Variants in CDH23 observed in about 807,000 individuals in gnomAD.
CDH23 encodes the protein cadherin-23.
Under a neutral mutation model 317.1 loss-of-function variants are expected in CDH23, and 189 were observed. That is an observed-to-expected ratio of 0.60 (90% CI 0.53 to 0.67). CDH23 has a LOEUF of 0.67. Among genes scored for constraint, CDH23 ranks in the 30% least tolerant of loss-of-function variants. The pLI is 0.00. For synonymous variants in CDH23, 1,839 were observed against 1,876.8 expected (o/e 0.98, Z 0.52); for missense variants, 4,401 against 4,592.4 (o/e 0.96, Z 1.20).
intron 3 of CDH23, among the ~76,000 whole-genome samples, chr10:71,488,124 T>A (rs115478258): frequency 6.6e-6 from 1 of 152,206 alleles, no homozygotes; most frequent in African/African-American, 2.4e-5. Flanking sequence ...TAGTCAGGCC[T>A]GCAGGAGAGT....
At chr10:71,580,583 G>A (rs1858553514) in intron 9 of CDH23, among the ~76,000 whole-genome samples, 1 of 152,254 alleles carries the variant, frequency 6.6e-6, no homozygotes, top group Non-Finnish European at 1.5e-5. Context: ...CATGAGTGCA[G>A]TATTCAATTG....
intron 9 of CDH23, among the ~76,000 whole-genome samples, chr10:71,613,031 T>C (rs984929225): frequency 1.3e-5 from 2 of 152,192 alleles, no homozygotes; most frequent in African/African-American, 4.8e-5. Context: ...GTATTTTTAG[T>C]AGAGATGGGG....
Position 71,669,689 on chromosome 10 carries a change from C to T in CDH23, c.1450-5423C>T, listed in dbSNP as rs139731653. The stretch of plus-strand genomic sequence containing the variant: ...CCTTGATCTCTTGATCTCAGGTGAT[C>T]TGCCTGCCTTGGCCTCCCAAAGTGC... On this transcript the variant is annotated intron_variant, in intron 14 of 69. Coordinates refer to ENST00000224721, the MANE Select transcript of CDH23 (RefSeq NM_022124.6). Among the ~76,000 whole-genome samples the T allele has an allele frequency of 9.9e-3, 1,514 of 152,336 alleles. 9 individuals carry two copies. The highest frequency in any genetic ancestry group is 0.031 in the Middle Eastern group (9 of 294).
At chr10:71,704,873 C>A (rs1432874760) in intron 24 of CDH23, 38 bp from the exon 25 acceptor site, 4 of 1,503,086 alleles carry the variant, frequency 2.7e-6, no homozygotes, top group Non-Finnish European at 3.7e-6. Flanking sequence ...ATCCCAGTGT[C>A]CCCTCCCCAC....
At chr10:71,459,527 T>C (rs1279987166) in intron 3 of CDH23, among the ~76,000 whole-genome samples, 1 of 152,208 alleles carries the variant, frequency 6.6e-6, no homozygotes, top group Non-Finnish European at 1.5e-5. Flanking sequence ...ATATTCTATG[T>C]GGCCAAAGCC....
chr10:71,413,814 A>T (rs1848430570), intron 1 of CDH23, among the ~76,000 whole-genome samples: 1 of 152,152 alleles, frequency 6.6e-6, no homozygotes, highest in East Asian at 1.9e-4. Flanking sequence ...GACTACAGGC[A>T]TGTGACACCA....
At position 71,732,362 on chromosome 10, in the gene CDH23, T is replaced by C; in HGVS notation, c.4091T>C (p.Ile1364Thr). ...TSTQAKALFK[I>T]DAITGVITVQ... is the part of the protein sequence containing the mutation. Reference sequence around the variant, plus strand: ...ACCCAGGCCAAAGCCCTCTTCAAGATAGACGCCATCACGGTGAGGGGCTGG... The same window carrying C: ...ACCCAGGCCAAAGCCCTCTTCAAGACAGACGCCATCACGGTGAGGGGCTGG... Residue 1364 changes from isoleucine to threonine, a missense_variant, in exon 32 of 70, where the codon ATA becomes ACA. By Grantham distance (89) the Ile-to-Thr change is moderately conservative. Around this residue, in one of 3 missense-constraint regions of CDH23, gnomAD observed 3,068 missense variants for 3,203.3 expected, o/e 0.96. Coordinates refer to ENST00000224721, the MANE Select transcript of CDH23 (RefSeq NM_022124.6). The C allele has an allele frequency of 3.2e-6, 5 of 1,566,888 alleles. No individual in the cohort carries two copies. The highest frequency in any genetic ancestry group is 1.4e-5 in the African/African-American group (1 of 73,738).
intron 16 of CDH23, among the ~76,000 whole-genome samples, chr10:71,679,148 G>A (rs1303363072): frequency 6.6e-6 from 1 of 152,136 alleles, no homozygotes; most frequent in African/African-American, 2.4e-5. Context: ...TCCCCAGGCT[G>A]CCTCCACACC....
At chr10:71,519,944 A>G (rs905536029) in intron 6 of CDH23, among the ~76,000 whole-genome samples, 8 of 152,018 alleles carry the variant, frequency 5.3e-5, no homozygotes, top group African/African-American at 9.7e-5. Flanking sequence ...ACATACCAAC[A>G]TGCCTAGCTA....
chr10:71,514,436 C>T (rs573332066), intron 6 of CDH23, among the ~76,000 whole-genome samples: 2 of 152,260 alleles, frequency 1.3e-5, no homozygotes, highest in Non-Finnish European at 2.9e-5. Flanking sequence ...TCCATGGCTG[C>T]CTGGAGACAT....
chr10:71,424,211 C>T (rs1484703770), intron 1 of CDH23, among the ~76,000 whole-genome samples: 1 of 152,206 alleles, frequency 6.6e-6, no homozygotes, highest in Middle Eastern at 3.2e-3. Context: ...GGATCTCGCT[C>T]CCCGCCTGAT....
At chr10:71,505,660 C>G (rs1338395710) in intron 3 of CDH23, among the ~76,000 whole-genome samples, 1 of 152,136 alleles carries the variant, frequency 6.6e-6, no homozygotes, top group East Asian at 1.9e-4. Flanking sequence ...GTACCAATAG[C>G]GTCTGCTGCG....
intron 1 of CDH23, 118 bp from the exon 2 acceptor site, chr10:71,439,709 T>C: frequency 1.4e-6 from 1 of 704,272 alleles, no homozygotes. Context: ...GGTTGATTCC[T>C]TCTCCTCCCT....
intron 3 of CDH23, among the ~76,000 whole-genome samples, chr10:71,478,370 C>A (rs2132108062): frequency 6.6e-6 from 1 of 152,330 alleles, no homozygotes; most frequent in South Asian, 2.1e-4. Flanking sequence ...GCCTTTGCAC[C>A]TGCAGTTCCC....
chr10:71,726,634 C>T (rs1866824513), intron 30 of CDH23, among the ~76,000 whole-genome samples: 2 of 152,252 alleles, frequency 1.3e-5, no homozygotes, highest in East Asian at 3.8e-4. Flanking sequence ...GACACAGTAA[C>T]CTGGACATGC....
chr10:71,683,350 G>A (rs141458513), intron 18 of CDH23, among the ~76,000 whole-genome samples: 9 of 152,332 alleles, frequency 5.9e-5, no homozygotes, highest in South Asian at 4.1e-4. Flanking sequence ...TCAGAGATGC[G>A]CTGTGATTTC....
At position 71,446,408 on chromosome 10, in the gene CDH23, A is replaced by G. The variant is rs1187135149; in HGVS notation, c.145+13A>G. 2 of 1,613,764 alleles carry G rather than the reference A, an allele frequency of 1.2e-6. No homozygotes were observed. The highest frequency in any genetic ancestry group is 2.2e-5 in the South Asian group (2 of 91,080). ...GACACGCCTGTGGGTGAGTGGGGGC[A>G]TGGGCTGGTGGGCGTGCAGATGGCC... On this transcript the variant is annotated intron_variant, in intron 3 of 69. Coordinates refer to ENST00000224721, the MANE Select transcript of CDH23 (RefSeq NM_022124.6).
chr10:71,784,593 T>C lies in CDH23; in HGVS notation c.5502+173T>C, dbSNP rs571290700. 6.6e-4 allele frequency among the ~76,000 whole-genome samples: 101 copies of C among 152,318 alleles called. 1 individual carries two copies. In the South Asian group the frequency reaches 0.015, roughly 22 times the overall value. On this transcript the variant is annotated intron_variant, in intron 42 of 69. Transcript: ENST00000224721. ...ACCTCTCGCCACATCCAGCAACTCT[T>C]TGGGGAGGCTGCCTTTCAGCGCCCC...
At chr10:71,552,642 C>T (rs1482328214) in intron 6 of CDH23, among the ~76,000 whole-genome samples, 2 of 152,124 alleles carry the variant, frequency 1.3e-5, no homozygotes, top group Non-Finnish European at 2.9e-5. Flanking sequence ...AACTAGAGTG[C>T]CTTGGATTTG....
Sources: allele counts gnomAD v4.1 joint callset (sites outside exome capture counted in the v4.1 genomes callset), GRCh38; gene constraint gnomAD v4.1.1; regional missense constraint gnomAD v4.1.1; transcripts MANE v1.5; gene names NCBI Gene and HGNC (gene_info 2026-07-23, HGNC 2026-07-21).